GRIP2: variants seen among roughly 807,000 people sequenced by gnomAD.
GRIP2 encodes the protein glutamate receptor-interacting protein 2.
In GRIP2, 58 loss-of-function variants were observed where a neutral mutation model predicts 108.3. The ratio of observed to expected loss-of-function variants is 0.54; its 90% confidence interval spans 0.43 to 0.67. The LOEUF (loss-of-function observed/expected upper bound fraction) is 0.67. Ranked by LOEUF, GRIP2 falls within the 30% of genes least tolerant of loss-of-function variation. The pLI, the probability that GRIP2 is intolerant of heterozygous loss-of-function variation, is 0.00. For synonymous variants in GRIP2, 586 were observed against 598.2 expected, an observed-to-expected ratio of 0.98 and a Z score of 0.30; for missense variants, 1,278 against 1,430.6, an observed-to-expected ratio of 0.89 and a Z score of 1.72.
intron 16 of GRIP2, among the ~76,000 whole-genome samples, chr3:14,510,925 A>T (rs1471456614): frequency 4.6e-5 from 7 of 152,180 alleles, no homozygotes; most frequent in Admixed American, 4.6e-4. Context: ...CTAGATGTGG[A>T]GACTACGGGA....
Position 14,493,249 on chromosome 3 carries a change from G to A in GRIP2, c.*416C>T, listed in dbSNP as rs1276982179. On this transcript the variant is annotated 3_prime_UTR_variant, in exon 24 of 24. Transcript: ENST00000621039. The stretch of plus-strand genomic sequence containing the variant: ...TCCTGCCTGCTCACCTCCTGTGACC[G>A]AGAACTCACTCCTCCTTGCAGCTCA... 1.8e-5 allele frequency: 3 copies of A among 171,022 alleles called. No individual in the cohort carries two copies. The highest frequency in any genetic ancestry group is 4.7e-5 in the African/African-American group (2 of 42,224). The allele number at this position is 171,022 out of a possible 1,614,324, so 10.6% of individuals were successfully genotyped here. A position where few individuals can be genotyped will look rare whatever the true frequency, so the allele number is the denominator to read the frequency against.
chr3:14,531,882 G>A lies in GRIP2; in HGVS notation c.41-5951C>T, dbSNP rs541910764. Among the ~76,000 whole-genome samples the A allele has an allele frequency of 6.6e-5, 10 of 152,296 alleles. No individual in the cohort carries two copies. In the East Asian group the frequency reaches 1.5e-3, roughly 24 times the overall value. On this transcript the variant is annotated intron_variant, in intron 1 of 23. Coordinates refer to ENST00000621039, the MANE Select transcript of GRIP2 (RefSeq NM_001080423.4). The stretch of plus-strand genomic sequence containing the variant: ...AACAGGTGCCAAAGTGAGAAGGGAC[G>A]CACCATCAAGCTGGTGGGCTCCCTG...
Position 14,540,126 on chromosome 3 carries a change from G to T in GRIP2, c.40+143C>A. 2 of 1,074,810 alleles carry T rather than the reference G, an allele frequency of 1.9e-6. No individual in the cohort carries two copies. The highest frequency in any genetic ancestry group is 2.7e-6 in the Non-Finnish European group (2 of 750,694). 66.6% of individuals were successfully genotyped at this position (1,074,810 alleles called of 1,614,324 possible). On this transcript the variant is annotated intron_variant, in intron 1 of 23. Transcript: ENST00000621039. The surrounding 1 kb of genome is among the most constrained non-coding windows in gnomAD (Gnocchi z 4.1). The stretch of plus-strand genomic sequence containing the variant: ...GACAGACAGCCCCAGCAAGTGTCCT[G>T]CCCCACCCTCCCCAAGCCCTGGGTC...
At chr3:14,533,080 G>A (rs184103139) in intron 1 of GRIP2, among the ~76,000 whole-genome samples, 38 of 152,220 alleles carry the variant, frequency 2.5e-4, no homozygotes, top group Non-Finnish European at 5.0e-4. Context: ...CAGCAGCTCC[G>A]CTCATCCGCC....
At chr3:14,552,618 TTC>T (rs1251371341) in intron 1 of GRIP2, among the ~76,000 whole-genome samples, 72 of 139,186 alleles carry the variant, frequency 5.2e-4, no homozygotes, top group Non-Finnish European at 6.7e-4. Context: ...ATTCTTTTCT[TTC>T]TCTCTCTCTC....
chr3:14,525,421 C>A lies in GRIP2; in HGVS notation c.257+16G>T. On this transcript the variant is annotated intron_variant, in intron 3 of 23. Transcript: ENST00000621039. ...CTGCACCCCCCTCCTGCGGCCGTGC[C>A]AAGCCCACTTCTCACCTGGCTGCAA... is the stretch of plus-strand genomic sequence containing the variant. 1 of 1,610,144 alleles carries A rather than the reference C, an allele frequency of 6.2e-7. No individual in the cohort carries two copies. The highest frequency in any genetic ancestry group is 8.5e-7 in the Non-Finnish European group (1 of 1,179,444).
intron 21 of GRIP2, among the ~76,000 whole-genome samples, chr3:14,498,699 C>A (rs1284158277): frequency 6.6e-6 from 1 of 152,118 alleles, no homozygotes; most frequent in East Asian, 1.9e-4. Flanking sequence ...GGGTCTTGGA[C>A]CCCTAAAATT....
At chr3:14,530,138 C>A (rs1292474230) in intron 1 of GRIP2, among the ~76,000 whole-genome samples, 1 of 152,224 alleles carries the variant, frequency 6.6e-6, no homozygotes, top group Non-Finnish European at 1.5e-5. Context: ...GACAGATAAG[C>A]TTTTGTTTTA....
chr3:14,562,359 C>A, the GRIP2 span, among the ~76,000 whole-genome samples: 1 of 152,078 alleles, frequency 6.6e-6, no homozygotes, highest in Non-Finnish European at 1.5e-5. Flanking sequence ...GGTCTCCCAC[C>A]GGCCAAATCT....
upstream of GRIP2, among the ~76,000 whole-genome samples, chr3:14,560,303 C>G (rs1289869508): frequency 6.6e-6 from 1 of 152,152 alleles, no homozygotes; most frequent in African/African-American, 2.4e-5. Flanking sequence ...TGTATGTATA[C>G]AGTATACAGT....
At chr3:14,520,675 CT>C in intron 7 of GRIP2, 138 bp from the exon 8 acceptor site, 2 of 826,366 alleles carry the variant, frequency 2.4e-6, no homozygotes, top group Non-Finnish European at 3.7e-6. Flanking sequence ...TTTTTTATTC[CT>C]TTTCTTTCTT....
intron 1 of GRIP2, among the ~76,000 whole-genome samples, chr3:14,555,505 G>A (rs1052735007): frequency 1.4e-4 from 22 of 152,148 alleles, no homozygotes; most frequent in Non-Finnish European, 2.5e-4. Context: ...GGAGAGAGAA[G>A]GCAGAGCAGA....
chr3:14,514,076 G>C (rs572146496), intron 12 of GRIP2, among the ~76,000 whole-genome samples: 14 of 152,272 alleles, frequency 9.2e-5, no homozygotes, highest in African/African-American at 2.9e-4. Flanking sequence ...CAGGCAGACA[G>C]GGGTTCAAGC....
chr3:14,525,652 G>C, intron 2 of GRIP2, 80 bp from the exon 3 acceptor site: 1 of 1,553,078 alleles, frequency 6.4e-7, no homozygotes, highest in Non-Finnish European at 8.8e-7. Flanking sequence ...AGCGAGGCGA[G>C]CACCTGGTTG....
the GRIP2 span, among the ~76,000 whole-genome samples, chr3:14,582,351 T>C: frequency 6.6e-6 from 1 of 152,212 alleles, no homozygotes; most frequent in Non-Finnish European, 1.5e-5. Context: ...TCTTCTTCTA[T>C]AGGTGTTAAA....
the GRIP2 span, chr3:14,573,801 C>T: frequency 1.3e-6 from 2 of 1,546,626 alleles, no homozygotes; most frequent in South Asian, 2.2e-5. Context: ...TCTCTTGTGG[C>T]CGGCAAGCTC....
At chr3:14,554,027 G>A (rs1695194811) in intron 1 of GRIP2, among the ~76,000 whole-genome samples, 1 of 152,150 alleles carries the variant, frequency 6.6e-6, no homozygotes, top group Non-Finnish European at 1.5e-5. Flanking sequence ...CCTGGGGACA[G>A]TGGTGTGTGC....
At chr3:14,576,893 GCA>G in the GRIP2 span, among the ~76,000 whole-genome samples, 2 of 152,172 alleles carry the variant, frequency 1.3e-5, no homozygotes, top group Non-Finnish European at 2.9e-5. Context: ...CCTCTAAAAA[GCA>G]CAGTTAGGCC....
At chr3:14,499,375 A>T (rs1180373223) in intron 21 of GRIP2, among the ~76,000 whole-genome samples, 9 of 65,036 alleles carry the variant, frequency 1.4e-4, no homozygotes, top group African/African-American at 3.6e-4. Flanking sequence ...CAGACAAAAC[A>T]AGTCGGCGAA....
Sources: allele counts gnomAD v4.1 joint callset (sites outside exome capture counted in the v4.1 genomes callset), GRCh38; gene constraint gnomAD v4.1.1; non-coding constraint Gnocchi (gnomAD v3.1); transcripts MANE v1.5; gene names NCBI Gene and HGNC (gene_info 2026-07-23, HGNC 2026-07-21).